The following KCNIP1 variants were observed in gnomAD, a reference collection of about 807,000 sequenced individuals.
KCNIP1 encodes potassium voltage-gated channel interacting protein 1, also known as A-type potassium channel modulatory protein KCNIP1.
KCNIP1 carries 18 observed loss-of-function variants against 33.0 expected under a neutral mutation model. The ratio of observed to expected loss-of-function variants is 0.55; its 90% confidence interval spans 0.38 to 0.81. KCNIP1 has a LOEUF of 0.81. Ranked by LOEUF, KCNIP1 falls within the 30% of genes least tolerant of loss-of-function variation. The pLI, the probability that KCNIP1 is intolerant of heterozygous loss-of-function variation, is 0.00. For synonymous variants in KCNIP1, 93 were observed against 98.3 expected (o/e 0.95, Z 0.32); for missense variants, 238 against 271.6 (o/e 0.88, Z 0.87).
At chr5:170,516,559 G>A (rs992231000) in intron 1 of KCNIP1, among the ~76,000 whole-genome samples, 1 of 152,152 alleles carries the variant, frequency 6.6e-6, no homozygotes, top group African/African-American at 2.4e-5. Flanking sequence ...TGACTTTGAG[G>A]ATCTCCCCCA....
intron 1 of KCNIP1, among the ~76,000 whole-genome samples, chr5:170,426,540 C>T (rs1376739988): frequency 6.6e-6 from 1 of 152,210 alleles, no homozygotes; most frequent in Non-Finnish European, 1.5e-5. Flanking sequence ...AGATTAGTTG[C>T]CACTGGGACT....
At chr5:170,704,830 T>G (rs1028007793) in intron 1 of KCNIP1, among the ~76,000 whole-genome samples, 1 of 152,230 alleles carries the variant, frequency 6.6e-6, no homozygotes, top group Non-Finnish European at 1.5e-5. Flanking sequence ...CAAGGCTGTT[T>G]CCTTGTAGGT....
intron 1 of KCNIP1, among the ~76,000 whole-genome samples, chr5:170,490,431 C>T (rs762825057): frequency 6.6e-6 from 1 of 152,164 alleles, no homozygotes. Context: ...GGTGTTTACA[C>T]AAATCTATGT....
At chr5:170,582,857 A>C (rs75821805) in intron 1 of KCNIP1, among the ~76,000 whole-genome samples, 56 of 152,186 alleles carry the variant, frequency 3.7e-4, no homozygotes. Context: ...AGGATTGTAC[A>C]TTTTCTTGAA....
chr5:170,460,096 T>C (rs974557374), intron 1 of KCNIP1, among the ~76,000 whole-genome samples: 1 of 152,104 alleles, frequency 6.6e-6, no homozygotes, highest in African/African-American at 2.4e-5. Context: ...CTAAAGGAGA[T>C]GGATAAATTC....
chr5:170,373,445 T>A (rs314149), intron 1 of KCNIP1, among the ~76,000 whole-genome samples: 15 of 151,998 alleles, frequency 9.9e-5, no homozygotes, highest in Admixed American at 9.8e-4. Flanking sequence ...TAAAAAATAT[T>A]AAGGATCCTA....
In KCNIP1 at chr5:170,504,240, C is replaced by G. The variant is rs6555900; in HGVS notation, c.-333C>G. The stretch of plus-strand genomic sequence containing the variant: ...TGGCTCGGCAGCCTCGGCCGGGCGG[C>G]CGCTCTGGCCCCGTGTCCAGTGCCA... On this transcript the variant is annotated 5_prime_UTR_variant, in exon 1 of 8. Coordinates refer to ENST00000328939, the MANE Select transcript of KCNIP1 (RefSeq NM_014592.4). The surrounding 1 kb of genome is among the most constrained non-coding windows in gnomAD (Gnocchi z 6.0). The G allele has an allele frequency of 0.65, 706,827 of 1,086,012 alleles. 232,693 individuals are homozygous for G. The highest frequency in any genetic ancestry group is 0.98 in the East Asian group (17,173 of 17,612). 67.3% of individuals were successfully genotyped at this position (1,086,012 alleles called of 1,614,324 possible).
intron 1 of KCNIP1, among the ~76,000 whole-genome samples, chr5:170,445,212 C>T (rs765622434): frequency 5.3e-5 from 8 of 152,192 alleles, no homozygotes; most frequent in Non-Finnish European, 7.3e-5. Flanking sequence ...CCTACACATC[C>T]GGTACAGAGC....
intron 1 of KCNIP1, among the ~76,000 whole-genome samples, chr5:170,544,479 C>T (rs1288290302): frequency 6.6e-6 from 1 of 152,082 alleles, no homozygotes; most frequent in Non-Finnish European, 1.5e-5. Context: ...CTTCCTGATG[C>T]ATAGGCTACT....
intron 1 of KCNIP1, chr5:170,383,888 G>T: frequency 1.2e-6 from 2 of 1,602,724 alleles, no homozygotes; most frequent in Non-Finnish European, 1.7e-6. Flanking sequence ...ACACATCTCA[G>T]AACTGGGTGA....
intron 1 of KCNIP1, chr5:170,678,447 A>G (rs1450029633): frequency 2.0e-5 from 3 of 152,244 alleles, no homozygotes; most frequent in African/African-American, 4.8e-5. Context: ...TTAGGAGACA[A>G]TCCAGAAGGG....
At chr5:170,677,047 G>T (rs1396691727) in intron 1 of KCNIP1, among the ~76,000 whole-genome samples, 1 of 152,116 alleles carries the variant, frequency 6.6e-6, no homozygotes, top group Non-Finnish European at 1.5e-5. Flanking sequence ...CAGACTATAC[G>T]TACTCAATAT....
chr5:170,385,228 G>C (rs888539969), intron 1 of KCNIP1: 65 of 1,426,592 alleles, frequency 4.6e-5, no homozygotes, highest in Non-Finnish European at 6.2e-5. Context: ...GTCAAGGAGA[G>C]GGGTGAGTAG....
chr5:170,663,750 C>T (rs1013902275), intron 1 of KCNIP1, among the ~76,000 whole-genome samples: 18 of 152,102 alleles, frequency 1.2e-4, no homozygotes, highest in African/African-American at 4.1e-4. Flanking sequence ...TTATCCTGCC[C>T]TCTGAGAGTC....
rs1335499288 is a variant in KCNIP1 at position 170,504,838 on chromosome 5, G to A, written c.61+205G>A. Among the ~76,000 whole-genome samples, 1 of 152,172 alleles carries A rather than the reference G, an allele frequency of 6.6e-6. No individual in the cohort carries two copies. The highest frequency in any genetic ancestry group is 1.5e-5 in the Non-Finnish European group (1 of 68,030). ...GGAGCCGGAGTGGACGTCTGCCCCAGCGGCAACTGGACCCCTCTGGGGCAC... is the reference window on the plus strand; with the variant it reads ...GGAGCCGGAGTGGACGTCTGCCCCAACGGCAACTGGACCCCTCTGGGGCAC... On this transcript the variant is annotated intron_variant, in intron 1 of 7. Transcript: ENST00000328939. The surrounding 1 kb of genome is among the most constrained non-coding windows in gnomAD (Gnocchi z 6.0).
intron 1 of KCNIP1, among the ~76,000 whole-genome samples, chr5:170,406,751 G>T (rs1755048845): frequency 6.6e-6 from 1 of 152,184 alleles, no homozygotes; most frequent in Admixed American, 6.5e-5. Context: ...GAGGCCTGGA[G>T]GGTCTTTGCA....
chr5:170,602,445 C>G (rs1358054785), intron 1 of KCNIP1, among the ~76,000 whole-genome samples: 1 of 152,224 alleles, frequency 6.6e-6, no homozygotes, highest in Non-Finnish European at 1.5e-5. Context: ...GGGGCAGGTG[C>G]CCAGTTACAG....
chr5:170,641,738 G>C (rs1310583577), intron 1 of KCNIP1, among the ~76,000 whole-genome samples: 1 of 152,160 alleles, frequency 6.6e-6, no homozygotes, highest in Non-Finnish European at 1.5e-5. Context: ...TGGGCTGCCT[G>C]CTCCAAGGGA....
At chr5:170,405,393 A>G (rs772153838) in intron 1 of KCNIP1, among the ~76,000 whole-genome samples, 1 of 152,126 alleles carries the variant, frequency 6.6e-6, no homozygotes, top group Non-Finnish European at 1.5e-5. Flanking sequence ...TAGTAGAGAC[A>G]GGGTTTCGCC....
Sources: allele counts gnomAD v4.1 joint callset (sites outside exome capture counted in the v4.1 genomes callset), GRCh38; gene constraint gnomAD v4.1.1; non-coding constraint Gnocchi (gnomAD v3.1); transcripts MANE v1.5; gene names NCBI Gene and HGNC (gene_info 2026-07-23, HGNC 2026-07-21).